The following DLG2 variants were observed in gnomAD, a reference collection of about 807,000 sequenced individuals.
The protein encoded by DLG2 is discs large MAGUK scaffold protein 2, also known as disks large homolog 2.
DLG2 carries 45 observed loss-of-function variants against 132.5 expected under a neutral mutation model. That is an observed-to-expected ratio of 0.34 (90% CI 0.27 to 0.44). DLG2 has a LOEUF of 0.44. DLG2 is among the 20% of genes least tolerant of loss of function. The pLI is 1.00. For synonymous variants in DLG2, 424 were observed against 419.6 expected, an observed-to-expected ratio of 1.01 and a Z score of -0.13; for missense variants, 1,045 against 1,196.9, an observed-to-expected ratio of 0.87 and a Z score of 1.87.
chr11:84,853,249 G>A (rs2082366084), intron 6 of DLG2, among the ~76,000 whole-genome samples: 1 of 151,936 alleles, frequency 6.6e-6, no homozygotes, highest in African/African-American at 2.4e-5. Flanking sequence ...GCTACAGAAA[G>A]ACACTATTGC....
rs546307923 is a variant in DLG2 at position 85,232,328 on chromosome 11, C to T, written c.186+52892G>A. On this transcript the variant is annotated intron_variant, in intron 4 of 27. Coordinates refer to ENST00000376104, the MANE Select transcript of DLG2 (RefSeq NM_001142699.3). ...AATATCTTTTGATAATTTTTATTTT[C>T]ATCAAAATTTTGGAGTGAAATTAGT... 6.7e-4 allele frequency among the ~76,000 whole-genome samples: 101 copies of T among 151,798 alleles called. 1 individual carries two copies. The highest frequency in any genetic ancestry group is 2.3e-3 in the African/African-American group (97 of 41,422).
intron 8 of DLG2, among the ~76,000 whole-genome samples, chr11:84,242,188 G>A (rs538187650): frequency 5.9e-5 from 9 of 152,054 alleles, no homozygotes; most frequent in Admixed American, 1.3e-4. Flanking sequence ...TTATTTTCCC[G>A]TTGGCTCTAA....
chr11:84,257,175 T>A (rs76191742), intron 7 of DLG2, among the ~76,000 whole-genome samples: 1 of 152,040 alleles, frequency 6.6e-6, no homozygotes, highest in Admixed American at 6.5e-5. Context: ...AAAAAAAAAA[T>A]GTGGCATGGT....
chr11:84,893,135 C>G (rs993798115), intron 6 of DLG2, among the ~76,000 whole-genome samples: 1 of 152,112 alleles, frequency 6.6e-6, no homozygotes, highest in Admixed American at 6.6e-5. Context: ...CTGGAGCATC[C>G]GTTTCCTCTG....
At chr11:85,467,223 G>A (rs2153068794) in intron 3 of DLG2, among the ~76,000 whole-genome samples, 1 of 152,286 alleles carries the variant, frequency 6.6e-6, no homozygotes, top group African/African-American at 2.4e-5. Context: ...AGACGATGGG[G>A]TTTTCTAGAT....
intron 2 of DLG2, among the ~76,000 whole-genome samples, chr11:85,616,679 A>G (rs1315159557): frequency 2.0e-5 from 3 of 152,222 alleles, no homozygotes; most frequent in Non-Finnish European, 4.4e-5. Context: ...GACTTCTCCT[A>G]GCCCCTTCAC....
intron 10 of DLG2, among the ~76,000 whole-genome samples, chr11:84,081,123 C>A (rs1283978227): frequency 6.6e-6 from 1 of 151,672 alleles, no homozygotes; most frequent in African/African-American, 2.4e-5. Context: ...GAAAATTATA[C>A]CAACACTTTA....
chr11:84,045,712 T>C (rs2096227952), intron 11 of DLG2, among the ~76,000 whole-genome samples: 1 of 151,540 alleles, frequency 6.6e-6, no homozygotes, highest in Non-Finnish European at 1.5e-5. Flanking sequence ...CCAAAATTTA[T>C]AGAAATTTGT....
intron 4 of DLG2, among the ~76,000 whole-genome samples, chr11:85,191,162 G>GCGCGCGCGCGCGCACACACACACACACA (rs34410192): frequency 7.2e-6 from 1 of 139,842 alleles, no homozygotes; most frequent in African/African-American, 2.8e-5. Flanking sequence ...GCGCACGCGC[G>GCGCGCGCGCGCGCACACACACACACACA]CACACACACA....
At chr11:84,314,433 T>C (rs997554446) in intron 7 of DLG2, among the ~76,000 whole-genome samples, 1 of 152,184 alleles carries the variant, frequency 6.6e-6, no homozygotes, top group South Asian at 2.1e-4. Flanking sequence ...ATGCTCTTAT[T>C]TTTGTGATAA....
At chr11:83,739,718 A>G (rs2092347133) in intron 18 of DLG2, among the ~76,000 whole-genome samples, 1 of 152,204 alleles carries the variant, frequency 6.6e-6, no homozygotes, top group South Asian at 2.1e-4. Context: ...AAAATCTTAC[A>G]TGTTATTTAG....
chr11:85,273,294 A>G (rs2077663497), intron 4 of DLG2, among the ~76,000 whole-genome samples: 1 of 152,200 alleles, frequency 6.6e-6, no homozygotes, highest in Non-Finnish European at 1.5e-5. Flanking sequence ...CAGCAAAAGA[A>G]ACTACCATCA....
chr11:83,462,801 C>T (rs1240809416), intron 26 of DLG2, among the ~76,000 whole-genome samples: 4 of 152,138 alleles, frequency 2.6e-5, no homozygotes, highest in African/African-American at 9.6e-5. Context: ...AAAATTTGTA[C>T]AACTATTATA....
chr11:83,769,625 G>T (rs143513993), intron 18 of DLG2, among the ~76,000 whole-genome samples: 2 of 149,286 alleles, frequency 1.3e-5, no homozygotes, highest in Non-Finnish European at 3.0e-5. Context: ...GTGCAATGGC[G>T]CAATCTCAGC....
Position 84,063,172 on chromosome 11 carries a change from T to C in DLG2, c.750-3688A>G, listed in dbSNP as rs113275078. On this transcript the variant is annotated intron_variant, in intron 10 of 27. Transcript: ENST00000376104. ...CTCCAATCTCACTCTACCAATCTAA[T>C]TAAGTTGACAGTTTCACTCTTAGTA... Among the ~76,000 whole-genome samples, 10 of 152,324 alleles carry C rather than the reference T, an allele frequency of 6.6e-5. 1 individual carries two copies. The highest frequency in any genetic ancestry group is 2.4e-4 in the African/African-American group (10 of 41,586).
chr11:84,067,048 A>G (rs1299309976), intron 10 of DLG2, among the ~76,000 whole-genome samples: 2 of 152,146 alleles, frequency 1.3e-5, no homozygotes, highest in Non-Finnish European at 1.5e-5. Flanking sequence ...AAAGATAACA[A>G]TCAATCACTT....
At chr11:84,136,384 A>G (rs1160868262) in intron 9 of DLG2, among the ~76,000 whole-genome samples, 1 of 152,174 alleles carries the variant, frequency 6.6e-6, no homozygotes, top group African/African-American at 2.4e-5. Context: ...TGAAGATAAC[A>G]AAAGGTAAAT....
intron 15 of DLG2, among the ~76,000 whole-genome samples, chr11:83,894,443 A>G (rs1047962111): frequency 1.3e-5 from 2 of 152,190 alleles, no homozygotes; most frequent in African/African-American, 4.8e-5. Context: ...ACAAAAAAGG[A>G]AACAAAAATT....
At chr11:85,476,734 A>C (rs1433686225) in intron 3 of DLG2, among the ~76,000 whole-genome samples, 2 of 151,840 alleles carry the variant, frequency 1.3e-5, no homozygotes, top group Non-Finnish European at 2.9e-5. Flanking sequence ...ATCTTGTCCC[A>C]ATTAAAGCTC....
Sources: allele counts gnomAD v4.1 joint callset (sites outside exome capture counted in the v4.1 genomes callset), GRCh38; gene constraint gnomAD v4.1.1; transcripts MANE v1.5; gene names NCBI Gene and HGNC (gene_info 2026-07-23, HGNC 2026-07-21).